SFXN5: variants seen among roughly 807,000 people sequenced by gnomAD.
The protein encoded by SFXN5 is sideroflexin-5.
A neutral mutation model predicts 50.2 loss-of-function variants in SFXN5; 43 were observed. That is an observed-to-expected ratio of 0.86 (90% confidence interval 0.67 to 1.11). SFXN5 has a LOEUF of 1.11. Among genes scored for constraint, SFXN5 ranks in the 50% least tolerant of loss-of-function variants. The pLI is 0.00. For synonymous variants in SFXN5, 203 were observed against 185.8 expected, an observed-to-expected ratio of 1.09 and a Z score of -0.75; for missense variants, 463 against 454.1, an observed-to-expected ratio of 1.02 and a Z score of -0.18.
chr2:73,028,364 A>C (rs557934743), intron 3 of SFXN5, among the ~76,000 whole-genome samples: 16 of 152,264 alleles, frequency 1.1e-4, no homozygotes, highest in African/African-American at 3.9e-4. Flanking sequence ...CCGCCATGAA[A>C]TGAGTTCTTG....
At chr2:73,008,646 A>G (rs913359587) in intron 6 of SFXN5, among the ~76,000 whole-genome samples, 4 of 152,212 alleles carry the variant, frequency 2.6e-5, no homozygotes, top group Admixed American at 6.5e-5. Flanking sequence ...GAGGCCGTGT[A>G]TAAGAAGCAA....
chr2:73,027,189 A>G (rs1011428437), intron 3 of SFXN5, among the ~76,000 whole-genome samples: 1 of 152,202 alleles, frequency 6.6e-6, no homozygotes, highest in Non-Finnish European at 1.5e-5. Context: ...AAGACTTTCC[A>G]GTGGGAAAAG....
intron 7 of SFXN5, 127 bp from the exon 8 acceptor site, chr2:73,000,614 C>T (rs73943035): frequency 0.065 from 56,002 of 862,462 alleles, 2,402 homozygotes; most frequent in East Asian, 0.18. Context: ...CATGGTGCCG[C>T]CCATGCTGCC....
At chr2:73,055,672 A>AGTGGC in intron 2 of SFXN5, among the ~76,000 whole-genome samples, 1 of 149,444 alleles carries the variant, frequency 6.7e-6, no homozygotes, top group African/African-American at 2.5e-5. Context: ...ATCTCAGCAC[A>AGTGGC]ATGGCACGAT....
In SFXN5 at chr2:72,998,723, AACCTC is replaced by A; in HGVS notation, c.534+221_534+225del. The A allele has an allele frequency of 5.4e-6, 3 of 558,460 alleles. No individual in the cohort carries two copies. The South Asian group carries it at 7.0e-5, about 13-fold the overall frequency. The allele number at this position is 558,460 out of a possible 1,614,324, so 34.6% of individuals were successfully genotyped here. A position where few individuals can be genotyped will look rare whatever the true frequency, so the allele number is the denominator to read the frequency against. ...GTCCTGCCTCAGTGCCCCCAGGCAC[AACCTC>A]ACCTCCCCACCTGCTCTCCATTACA... On this transcript the variant is annotated intron_variant, in intron 9 of 13. Transcript: ENST00000272433.
intron 2 of SFXN5, among the ~76,000 whole-genome samples, chr2:73,047,380 T>C (rs1680644076): frequency 1.4e-5 from 2 of 146,514 alleles, no homozygotes; most frequent in Non-Finnish European, 1.5e-5. Context: ...TATGTATATA[T>C]ACATGTATAT....
At chr2:73,046,595 C>G (rs923749392) in intron 2 of SFXN5, among the ~76,000 whole-genome samples, 1 of 151,910 alleles carries the variant, frequency 6.6e-6, no homozygotes, top group Non-Finnish European at 1.5e-5. Context: ...GGGAGGATCT[C>G]GAGCCTGGGA....
chr2:73,037,228 T>C (rs1322433039), intron 3 of SFXN5, among the ~76,000 whole-genome samples: 2 of 152,202 alleles, frequency 1.3e-5, no homozygotes, highest in Non-Finnish European at 2.9e-5. Flanking sequence ...CTCTTCCAGA[T>C]GCCCTCAGTC....
chr2:72,975,979 C>T (rs1221242963), intron 10 of SFXN5, among the ~76,000 whole-genome samples: 1 of 152,156 alleles, frequency 6.6e-6, no homozygotes, highest in African/African-American at 2.4e-5. Context: ...TTAGAAACAA[C>T]CTAAATGTCC....
intron 13 of SFXN5, among the ~76,000 whole-genome samples, chr2:72,947,403 G>C (rs1319939762): frequency 1.3e-5 from 2 of 152,238 alleles, no homozygotes; most frequent in Admixed American, 1.3e-4. Flanking sequence ...CCTAGCTAGA[G>C]GGGGGCAGGT....
rs545703678 is a variant in SFXN5, at chr2:73,071,709, C to T, written c.-4G>A. 24 of 1,611,520 alleles carry T rather than the reference C, an allele frequency of 1.5e-5. No homozygotes were observed. In the Admixed American group the frequency reaches 3.5e-4, roughly 24 times the overall value. On this transcript the variant is annotated 5_prime_UTR_variant, in exon 1 of 14. Transcript: ENST00000272433. ...CTGTAGTCGCTGTATCCGCCATGGCCACTGACGCCCGCAATCTCCGGCCCT... is the reference window on the plus strand; with the variant it reads ...CTGTAGTCGCTGTATCCGCCATGGCTACTGACGCCCGCAATCTCCGGCCCT...
At chr2:73,026,881 A>G (rs956932283) in intron 3 of SFXN5, among the ~76,000 whole-genome samples, 10 of 152,048 alleles carry the variant, frequency 6.6e-5, no homozygotes, top group Admixed American at 2.6e-4. Context: ...GGCACCCACC[A>G]CCATGTCCAG....
At chr2:73,038,348 G>T (rs1480266848) in intron 3 of SFXN5, among the ~76,000 whole-genome samples, 2 of 152,250 alleles carry the variant, frequency 1.3e-5, no homozygotes, top group African/African-American at 4.8e-5. Flanking sequence ...CACTTACCAT[G>T]AATGGAGCTT....
At chr2:73,069,824 GAA>G (rs74390631) in intron 1 of SFXN5, among the ~76,000 whole-genome samples, 1 of 138,978 alleles carries the variant, frequency 7.2e-6, no homozygotes, top group African/African-American at 2.6e-5. Flanking sequence ...AAAAGAAAAA[GAA>G]AAAAAAAAAG....
intron 9 of SFXN5, among the ~76,000 whole-genome samples, chr2:72,990,573 T>TA (rs1458075676): frequency 1.3e-5 from 2 of 152,200 alleles, no homozygotes; most frequent in African/African-American, 4.8e-5. Flanking sequence ...ACTCAGCACA[T>TA]ATTCACATGA....
rs531900504 is a variant in SFXN5, at chr2:72,953,186, C to T, written c.945+7945G>A. On this transcript the variant is annotated intron_variant, in intron 13 of 13. Coordinates refer to ENST00000272433, the MANE Select transcript of SFXN5 (RefSeq NM_144579.3). The surrounding 1 kb of genome is among the most constrained non-coding windows in gnomAD (Gnocchi z 4.1). The stretch of plus-strand genomic sequence containing the variant: ...GGCGTTGGCGTTCCTGGGCTCTGAG[C>T]GGCTTTGCCATTCCCATCCATCCCT... Among the ~76,000 whole-genome samples, 1 of 152,120 alleles carries T rather than the reference C, an allele frequency of 6.6e-6. No homozygotes were observed. Among genetic ancestry groups the T allele is most frequent in the Non-Finnish European group, 1.5e-5 (1 of 68,034 alleles).
Position 72,945,082 on chromosome 2 carries a change from T to C in SFXN5, c.963A>G (p.Leu321=), listed in dbSNP as rs768962258. The change falls in exon 14 of 14, where the codon TTA becomes TTG. Residue 321 remains leucine, a synonymous_variant. Transcript: ENST00000272433. This position sits in a 1 kb window ranked among gnomAD's most constrained non-coding sequence, Gnocchi z 5.8. ...PQMSEIETSQ[L]EPEIAQATSS... ...TCGTGGCCTGGGCTATCTCCGGCTC[T>C]AATTGGGATGTTTCAATCTGTGGAG... 6.2e-7 allele frequency: 1 copy of C among 1,613,940 alleles called. No homozygotes were observed. Among genetic ancestry groups the C allele is most frequent in the Non-Finnish European group, 8.5e-7 (1 of 1,179,898 alleles).
rs954908437 is a variant in SFXN5 at position 72,968,639 on chromosome 2, A to C, written c.742-106T>G. ...TGCCACCACAACGCATGTGTGTCTGAATGGCCTTATTCATGGGATTGCTCA... is the reference window on the plus strand; with the variant it reads ...TGCCACCACAACGCATGTGTGTCTGCATGGCCTTATTCATGGGATTGCTCA... On this transcript the variant is annotated intron_variant, in intron 11 of 13. Transcript: ENST00000272433. 3.0e-6 allele frequency: 3 copies of C among 1,012,614 alleles called. No homozygotes were observed. In the African/African-American group the frequency reaches 4.8e-5, roughly 16 times the overall value. The allele number at this position is 1,012,614 out of a possible 1,614,324, so 62.7% of individuals were successfully genotyped here. A position where few individuals can be genotyped will look rare whatever the true frequency, so the allele number is the denominator to read the frequency against.
intron 6 of SFXN5, among the ~76,000 whole-genome samples, chr2:73,006,452 T>C (rs935389145): frequency 1.3e-5 from 2 of 151,974 alleles, no homozygotes; most frequent in Non-Finnish European, 2.9e-5. Context: ...CGAAACCCCA[T>C]CTCTAGTAAA....
Sources: gnomAD v4.1 joint callset for allele counts (sites outside exome capture counted in the v4.1 genomes callset) on GRCh38, gnomAD v4.1.1 for gene constraint, Gnocchi (gnomAD v3.1) non-coding constraint, MANE v1.5 for transcripts, NCBI Gene and HGNC (gene_info 2026-07-23, HGNC 2026-07-21) for gene names.